Variants in IMMP2L observed in about 807,000 individuals in gnomAD.
IMMP2L encodes the protein mitochondrial inner membrane protease subunit 2.
A neutral mutation model predicts 19.3 loss-of-function variants in IMMP2L; 18 were observed. The ratio of observed to expected loss-of-function variants is 0.93; its 90% confidence interval spans 0.64 to 1.38. IMMP2L has a LOEUF of 1.38. Among genes scored for constraint, IMMP2L ranks in the 40% most tolerant of loss-of-function variants. The pLI, the probability that IMMP2L is intolerant of heterozygous loss-of-function variation, is 0.00. For missense variants in IMMP2L, 233 were observed against 218.2 expected (o/e 1.07, Z -0.43); for synonymous variants, 76 against 73.0 (o/e 1.04, Z -0.21).
intron 3 of IMMP2L, among the ~76,000 whole-genome samples, chr7:111,471,050 AT>A (rs1243359387): frequency 6.6e-6 from 1 of 152,002 alleles, no homozygotes; most frequent in Admixed American, 6.6e-5. Flanking sequence ...ATGAAGAAAC[AT>A]TTGTATCGTG....
intron 3 of IMMP2L, among the ~76,000 whole-genome samples, chr7:111,271,597 T>C (rs1383825956): frequency 2.6e-5 from 4 of 152,096 alleles, no homozygotes; most frequent in African/African-American, 7.2e-5. Context: ...AGTAAGTCCA[T>C]GTCTAAATTC....
At chr7:111,242,278 G>A (rs1394541703) in intron 3 of IMMP2L, among the ~76,000 whole-genome samples, 2 of 152,030 alleles carry the variant, frequency 1.3e-5, no homozygotes, top group South Asian at 2.1e-4. Context: ...TTAATGTAAA[G>A]CAGAAGTATA....
Position 111,359,282 on chromosome 7 carries a change from C to T in IMMP2L, c.239+127956G>A, listed in dbSNP as rs114097250. 7.2e-3 allele frequency among the ~76,000 whole-genome samples: 1,088 copies of T among 152,036 alleles called. 15 individuals are homozygous for T. Among genetic ancestry groups the T allele is most frequent in the African/African-American group, 0.024 (994 of 41,518 alleles). On this transcript the variant is annotated intron_variant, in intron 3 of 5. Transcript: ENST00000405709. ...CAGGGCATCCATGTGAGGTGGCCTC[C>T]TAATTCTCCAGGTTTTTGTTTGTTT... is the stretch of plus-strand genomic sequence containing the variant.
intron 5 of IMMP2L, among the ~76,000 whole-genome samples, chr7:110,749,337 C>T (rs59340736): frequency 0.09 from 13,709 of 152,052 alleles, 1,301 homozygotes; most frequent in African/African-American, 0.24. Flanking sequence ...GACAGTGTGG[C>T]GATTCCTCAA....
intron 5 of IMMP2L, among the ~76,000 whole-genome samples, chr7:110,826,580 C>G (rs557286661): frequency 1.3e-5 from 2 of 151,984 alleles, no homozygotes; most frequent in Admixed American, 6.6e-5. Context: ...AGCAAACTAT[C>G]GCAAGGACAG....
intron 3 of IMMP2L, among the ~76,000 whole-genome samples, chr7:111,278,709 T>C (rs1266699029): frequency 6.6e-6 from 1 of 152,184 alleles, no homozygotes; most frequent in African/African-American, 2.4e-5. Context: ...GATCTTTTGT[T>C]AATAACATGT....
chr7:111,111,299 TAAAAAAAA>T (rs751990466), intron 3 of IMMP2L, among the ~76,000 whole-genome samples: 2 of 92,282 alleles, frequency 2.2e-5, no homozygotes, highest in African/African-American at 3.9e-5. Flanking sequence ...GTAGCAGTTG[TAAAAAAAA>T]AAAAAAAAAA....
intron 1 of IMMP2L, among the ~76,000 whole-genome samples, chr7:111,540,888 C>T (rs188701609): frequency 1.3e-5 from 2 of 152,174 alleles, no homozygotes; most frequent in Admixed American, 6.6e-5. Flanking sequence ...AGGAGAGTAA[C>T]GGAGAAAATA....
chr7:111,021,878 A>C (rs1310346663), intron 3 of IMMP2L, among the ~76,000 whole-genome samples: 1 of 109,284 alleles, frequency 9.2e-6, no homozygotes, highest in Non-Finnish European at 1.9e-5. Flanking sequence ...GTGAGACTCC[A>C]TATCAAAACA....
chr7:110,938,980 G>A (rs1207289668), intron 4 of IMMP2L, among the ~76,000 whole-genome samples: 1 of 152,034 alleles, frequency 6.6e-6, no homozygotes, highest in Non-Finnish European at 1.5e-5. Context: ...CTTCACATAT[G>A]AACATACAAA....
At chr7:111,418,799 T>G (rs1469756542) in intron 3 of IMMP2L, among the ~76,000 whole-genome samples, 1 of 151,798 alleles carries the variant, frequency 6.6e-6, no homozygotes, top group Non-Finnish European at 1.5e-5. Context: ...AAACAAACAT[T>G]TGTAAAACCA....
rs541887645 is a variant in IMMP2L, at chr7:111,119,793, C to T, written c.240-156228G>A. ...AGGATGCAAAGCCAGGCAGGCCTCA[C>T]GCTCTCAAGGAGGTTAGTGCCTGGT... On this transcript the variant is annotated intron_variant, in intron 3 of 5. Coordinates refer to ENST00000405709, the MANE Select transcript of IMMP2L (RefSeq NM_032549.4). Among the ~76,000 whole-genome samples, 7 of 152,216 alleles carry T rather than the reference C, an allele frequency of 4.6e-5. No homozygotes were observed. In the South Asian group the frequency reaches 6.2e-4, roughly 14 times the overall value.
At chr7:111,333,358 T>TGTTA (rs1385313378) in intron 3 of IMMP2L, among the ~76,000 whole-genome samples, 3 of 152,136 alleles carry the variant, frequency 2.0e-5, no homozygotes, top group Non-Finnish European at 4.4e-5. Flanking sequence ...ATTTAAGTGT[T>TGTTA]GTTAACCTTA....
At chr7:111,486,497 C>T (rs1842666248) in intron 3 of IMMP2L, among the ~76,000 whole-genome samples, 1 of 152,146 alleles carries the variant, frequency 6.6e-6, no homozygotes, top group Non-Finnish European at 1.5e-5. Flanking sequence ...ACTGGCATAA[C>T]AGGGAATCAT....
intron 3 of IMMP2L, among the ~76,000 whole-genome samples, chr7:111,424,895 A>C (rs990291651): frequency 8.6e-5 from 13 of 151,824 alleles, no homozygotes; most frequent in Non-Finnish European, 4.4e-5. Flanking sequence ...ATTCTTTGAC[A>C]AGTGACTTTC....
At chr7:111,165,530 T>G (rs1298601781) in intron 3 of IMMP2L, among the ~76,000 whole-genome samples, 1 of 152,104 alleles carries the variant, frequency 6.6e-6, no homozygotes. Flanking sequence ...TATTTTTTAA[T>G]GCATTTAAGC....
At chr7:111,346,945 G>A (rs908649284) in intron 3 of IMMP2L, among the ~76,000 whole-genome samples, 13 of 151,924 alleles carry the variant, frequency 8.6e-5, no homozygotes, top group Non-Finnish European at 1.8e-4. Context: ...TAGAGATGCT[G>A]GCAAAATTAA....
At chr7:111,394,554 G>A (rs1394569029) in intron 3 of IMMP2L, among the ~76,000 whole-genome samples, 2 of 152,018 alleles carry the variant, frequency 1.3e-5, no homozygotes, top group African/African-American at 4.8e-5. Flanking sequence ...ACACTCTGAT[G>A]GGGTTATGTA....
chr7:111,479,857 T>C (rs528588626), intron 3 of IMMP2L, among the ~76,000 whole-genome samples: 3 of 152,256 alleles, frequency 2.0e-5, no homozygotes, highest in Non-Finnish European at 4.4e-5. Context: ...TCAAAGGATA[T>C]AAAATTTATA....
Sources: allele counts gnomAD v4.1 joint callset (sites outside exome capture counted in the v4.1 genomes callset), GRCh38; gene constraint gnomAD v4.1.1; transcripts MANE v1.5; gene names NCBI Gene and HGNC (gene_info 2026-07-23, HGNC 2026-07-21).